Variants in KCNK2 observed in about 807,000 individuals in gnomAD.
KCNK2 encodes the protein potassium two pore domain channel subfamily K member 2.
In KCNK2, 21 loss-of-function variants were observed where a neutral mutation model predicts 40.5. The observed-to-expected ratio is 0.52, with a 90% CI of 0.37 to 0.75. The LOEUF (loss-of-function observed/expected upper bound fraction) is 0.75. Ranked by LOEUF, KCNK2 falls within the 30% of genes least tolerant of loss-of-function variation. KCNK2 has a pLI of 0.00. For synonymous variants in KCNK2, 191 were observed against 202.2 expected, an observed-to-expected ratio of 0.94 and a Z score of 0.47; for missense variants, 399 against 531.6, an observed-to-expected ratio of 0.75 and a Z score of 2.45.
At chr1:215,174,020 G>C in intron 5 of KCNK2, among the ~76,000 whole-genome samples, 1 of 152,148 alleles carries the variant, frequency 6.6e-6, no homozygotes, top group Non-Finnish European at 1.5e-5. Flanking sequence ...ATTGCTTTTG[G>C]TGTTTTAGAC....
Position 215,169,269 on chromosome 1 carries a change from T to C in KCNK2, c.546T>C (p.Ile182=), listed in dbSNP as rs1663587413. 1 of 1,613,216 alleles carries C rather than the reference T, an allele frequency of 6.2e-7. No individual in the cohort carries two copies. The highest frequency in any genetic ancestry group is 1.3e-5 in the African/African-American group (1 of 74,884). ...IFCIIYALLG[I]PLFGFLLAGV... is the part of the protein sequence containing the mutation. ...GTATCATCTATGCCTTACTGGGAAT[T>C]CCCCTCTTTGGTTTTCTCTTGGCTG... The change falls in exon 4 of 7, where the codon ATT becomes ATC. Residue 182 remains isoleucine (I), a synonymous_variant. Transcript: ENST00000444842.
At position 215,109,358 on chromosome 1, in the gene KCNK2, C is replaced by T. The variant is rs561219284; in HGVS notation, c.358-15275C>T. On this transcript the variant is annotated intron_variant, in intron 2 of 6. Transcript: ENST00000444842. The stretch of plus-strand genomic sequence containing the variant: ...CTCTCTTAATTCCCCACCCCTCTCC[C>T]GCCCACACACCCTTCCTAGTCTCTA... Among the ~76,000 whole-genome samples, 21 of 152,184 alleles carry T rather than the reference C, an allele frequency of 1.4e-4. 1 individual carries two copies. In the South Asian group the frequency reaches 3.3e-3, roughly 24 times the overall value.
intron 3 of KCNK2, among the ~76,000 whole-genome samples, chr1:215,132,217 T>C (rs1365492213): frequency 6.6e-6 from 1 of 152,180 alleles, no homozygotes; most frequent in Non-Finnish European, 1.5e-5. Flanking sequence ...GAGGAAAAAT[T>C]GTGTTTTCTG....
chr1:215,182,493 A>T (rs2102650179), intron 5 of KCNK2, among the ~76,000 whole-genome samples: 1 of 152,276 alleles, frequency 6.6e-6, no homozygotes, highest in Non-Finnish European at 1.5e-5. Flanking sequence ...GGCACTCAGT[A>T]ACGACACATA....
At chr1:215,113,635 T>G (rs1448090058) in intron 2 of KCNK2, among the ~76,000 whole-genome samples, 1 of 152,166 alleles carries the variant, frequency 6.6e-6, no homozygotes, top group African/African-American at 2.4e-5. Flanking sequence ...CTTGTTCTGT[T>G]GACAGGCTGG....
At chr1:215,051,209 G>A (rs1310852387) in intron 1 of KCNK2, among the ~76,000 whole-genome samples, 1 of 152,092 alleles carries the variant, frequency 6.6e-6, no homozygotes, top group African/African-American at 2.4e-5. Context: ...CTGAGTAGCT[G>A]GGATTACAGA....
intron 1 of KCNK2, among the ~76,000 whole-genome samples, chr1:215,066,614 A>T (rs1658553580): frequency 6.6e-6 from 1 of 152,108 alleles, no homozygotes; most frequent in Admixed American, 6.5e-5. Context: ...CCTGCCTCTC[A>T]TTTCTGATTC....
At chr1:215,025,317 CATACATATGG>C (rs1393658233) in intron 1 of KCNK2, among the ~76,000 whole-genome samples, 1 of 151,998 alleles carries the variant, frequency 6.6e-6, no homozygotes, top group African/African-American at 2.4e-5. Flanking sequence ...AGAAAATATG[CATACATATGG>C]ACTTTTATAC....
At chr1:215,034,720 T>G (rs1469952314) in intron 1 of KCNK2, among the ~76,000 whole-genome samples, 1 of 152,162 alleles carries the variant, frequency 6.6e-6, no homozygotes, top group East Asian at 1.9e-4. Context: ...TGTGTAAGTT[T>G]GTATTTGAAC....
intron 1 of KCNK2, among the ~76,000 whole-genome samples, chr1:215,046,577 A>T (rs1390221208): frequency 6.6e-6 from 1 of 152,082 alleles, no homozygotes; most frequent in Non-Finnish European, 1.5e-5. Flanking sequence ...GTTAGAATAA[A>T]CAGGTACAGG....
chr1:215,032,874 A>G (rs1657253754), intron 1 of KCNK2, among the ~76,000 whole-genome samples: 1 of 151,916 alleles, frequency 6.6e-6, no homozygotes, highest in Admixed American at 6.6e-5. Context: ...TTTGACATTT[A>G]TCTTGAATGG....
intron 1 of KCNK2, among the ~76,000 whole-genome samples, chr1:215,022,469 G>C (rs1031900497): frequency 2.1e-5 from 3 of 144,734 alleles, no homozygotes; most frequent in African/African-American, 7.5e-5. Flanking sequence ...GACGTGTGTG[G>C]CTCTTCTCTT....
chr1:215,071,565 G>T (rs1422969425), intron 1 of KCNK2, among the ~76,000 whole-genome samples: 1 of 152,062 alleles, frequency 6.6e-6, no homozygotes, highest in Non-Finnish European at 1.5e-5. Flanking sequence ...AAGTCAGCAG[G>T]TAATAAGCAA....
upstream of KCNK2, among the ~76,000 whole-genome samples, chr1:215,077,965 A>G (rs1259570838): frequency 2.0e-5 from 3 of 152,230 alleles, no homozygotes; most frequent in South Asian, 6.2e-4. Context: ...ATCTTCTCAT[A>G]CCTGTGCAAT....
At chr1:215,028,981 G>T (rs1190534222) in intron 1 of KCNK2, among the ~76,000 whole-genome samples, 12 of 141,392 alleles carry the variant, frequency 8.5e-5, no homozygotes, top group African/African-American at 2.1e-4. Context: ...TTTTTTTTTA[G>T]AAGAGTTTTA....
At chr1:215,224,024 T>C (rs1216849317) in intron 6 of KCNK2, among the ~76,000 whole-genome samples, 2 of 152,180 alleles carry the variant, frequency 1.3e-5, no homozygotes, top group Non-Finnish European at 2.9e-5. Flanking sequence ...TAAATAATTT[T>C]GTTTAGAATT....
intron 1 of KCNK2, among the ~76,000 whole-genome samples, chr1:215,007,085 G>GTGTATATATATA: frequency 7.9e-6 from 1 of 126,116 alleles, no homozygotes; most frequent in East Asian, 2.0e-4. Flanking sequence ...ATATATATGT[G>GTGTATATATATA]TGTATATATA....
At chr1:215,183,204 A>T (rs1198079603) in intron 5 of KCNK2, among the ~76,000 whole-genome samples, 1 of 152,132 alleles carries the variant, frequency 6.6e-6, no homozygotes, top group African/African-American at 2.4e-5. Flanking sequence ...GAAAAAAATG[A>T]ATCTATTATT....
intron 2 of KCNK2, among the ~76,000 whole-genome samples, chr1:215,124,310 T>C (rs772229358): frequency 1.8e-4 from 27 of 152,304 alleles, no homozygotes; most frequent in Non-Finnish European, 3.4e-4. Flanking sequence ...TGGTGGTTAC[T>C]GGAGGACATT....
Sources: gnomAD v4.1 joint callset for allele counts (sites outside exome capture counted in the v4.1 genomes callset) on GRCh38, gnomAD v4.1.1 for gene constraint, MANE v1.5 for transcripts, NCBI Gene and HGNC (gene_info 2026-07-23, HGNC 2026-07-21) for gene names.